The following KIRREL3 variants were observed in gnomAD, a reference collection of about 807,000 sequenced individuals.
KIRREL3 encodes kin of IRRE-like protein 3.
In KIRREL3, 36 loss-of-function variants were observed where a neutral mutation model predicts 89.7. That is an observed-to-expected ratio of 0.40 (90% confidence interval 0.31 to 0.53). The LOEUF (loss-of-function observed/expected upper bound fraction) is 0.53, where lower values mean the gene tolerates loss of function less well. KIRREL3 is among the 20% of genes least tolerant of loss of function. The pLI is 0.49. For synonymous variants in KIRREL3, 445 were observed against 441.4 expected (o/e 1.01, Z -0.10); for missense variants, 864 against 1,056.6 (o/e 0.82, Z 2.53).
rs781201564 is a variant in KIRREL3, at chr11:126,605,645, G to A, written c.56-42733C>T. Among the ~76,000 whole-genome samples the A allele has an allele frequency of 3.2e-4, 49 of 152,188 alleles. No individual in the cohort carries two copies. Among genetic ancestry groups the A allele is most frequent in the Non-Finnish European group, 5.9e-4 (40 of 68,040 alleles). On this transcript the variant is annotated intron_variant, in intron 1 of 16. Transcript: ENST00000525144. This position sits in a 1 kb window ranked among gnomAD's most constrained non-coding sequence, Gnocchi z 5.7. ...TCTACTTGGGTTAATGAAAGTTGTC[G>A]GTTTCACTTAATAAATACATTGCCA... is the stretch of plus-strand genomic sequence containing the variant.
intron 1 of KIRREL3, among the ~76,000 whole-genome samples, chr11:126,757,756 C>T (rs1949550432): frequency 6.6e-6 from 1 of 151,964 alleles, no homozygotes; most frequent in African/African-American, 2.4e-5. Flanking sequence ...AAAGAGTCTA[C>T]TGTTCTTTTA....
In KIRREL3 at chr11:126,814,753, C is replaced by T. The variant is rs1951502097; in HGVS notation, c.55+185702G>A. 6.6e-6 allele frequency among the ~76,000 whole-genome samples: 1 copy of T among 152,254 alleles called. No homozygotes were observed. The highest frequency in any genetic ancestry group is 1.5e-5 in the Non-Finnish European group (1 of 68,006). On this transcript the variant is annotated intron_variant, in intron 1 of 16. Coordinates refer to ENST00000525144, the MANE Select transcript of KIRREL3 (RefSeq NM_032531.4). The surrounding 1 kb of genome is among the most constrained non-coding windows in gnomAD (Gnocchi z 4.4). Reference sequence around the variant, plus strand: ...TGGACACAGGGAGGGGAACAACACACACTGGGACCTGATGGGGGTGTGGGT... The same window carrying T: ...TGGACACAGGGAGGGGAACAACACATACTGGGACCTGATGGGGGTGTGGGT...
Position 126,649,847 on chromosome 11 carries a change from T to C in KIRREL3, c.56-86935A>G, listed in dbSNP as rs148318542. 2.3e-3 allele frequency among the ~76,000 whole-genome samples: 355 copies of C among 152,360 alleles called. 2 individuals carry two copies. The highest frequency in any genetic ancestry group is 8.2e-3 in the African/African-American group (339 of 41,594). ...TAGTAGGGACTCTGTATGAGGGCTCTGACCCCACATTTCCCTTCTGCACTG... is the reference window on the plus strand; with the variant it reads ...TAGTAGGGACTCTGTATGAGGGCTCCGACCCCACATTTCCCTTCTGCACTG... On this transcript the variant is annotated intron_variant, in intron 1 of 16. Coordinates refer to ENST00000525144, the MANE Select transcript of KIRREL3 (RefSeq NM_032531.4).
intron 2 of KIRREL3, among the ~76,000 whole-genome samples, chr11:126,548,723 C>G (rs1330374034): frequency 2.0e-5 from 3 of 152,224 alleles, no homozygotes; most frequent in Non-Finnish European, 4.4e-5. Flanking sequence ...CTCCAGGTGT[C>G]ATTCATCTCT....
chr11:126,932,314 C>T (rs1339525571), intron 1 of KIRREL3, among the ~76,000 whole-genome samples: 2 of 152,174 alleles, frequency 1.3e-5, no homozygotes, highest in Non-Finnish European at 2.9e-5. Flanking sequence ...TAGCCTCACA[C>T]ACATATGAGC....
intron 1 of KIRREL3, among the ~76,000 whole-genome samples, chr11:126,595,529 C>G (rs1034179823): frequency 1.3e-5 from 2 of 152,216 alleles, no homozygotes; most frequent in Admixed American, 6.5e-5. Flanking sequence ...AAGTGTTTAC[C>G]TGAATTATCT....
intron 1 of KIRREL3, among the ~76,000 whole-genome samples, chr11:126,673,666 T>A (rs1946058408): frequency 6.6e-6 from 1 of 152,184 alleles, no homozygotes. Flanking sequence ...ACGTGTGCCT[T>A]CCATGGGATG....
In KIRREL3 at chr11:126,900,851, C is replaced by T. The variant is rs1236494396; in HGVS notation, c.55+99604G>A. Among the ~76,000 whole-genome samples, 2 of 152,092 alleles carry T rather than the reference C, an allele frequency of 1.3e-5. No individual in the cohort carries two copies. Among genetic ancestry groups the T allele is most frequent in the Non-Finnish European group, 2.9e-5 (2 of 68,014 alleles). The stretch of plus-strand genomic sequence containing the variant: ...TACTTATTTAAAGACATTTTCAAAA[C>T]AGTTGCAAGTTAACTCAAGTAACTG... On this transcript the variant is annotated intron_variant, in intron 1 of 16. Coordinates refer to ENST00000525144, the MANE Select transcript of KIRREL3 (RefSeq NM_032531.4). The surrounding 1 kb of genome is among the most constrained non-coding windows in gnomAD (Gnocchi z 4.4).
At chr11:126,857,230 G>A (rs1484119335) in intron 1 of KIRREL3, among the ~76,000 whole-genome samples, 1 of 152,184 alleles carries the variant, frequency 6.6e-6, no homozygotes, top group Non-Finnish European at 1.5e-5. Context: ...AGTCCTGGGT[G>A]CCCAGCCCAC....
rs915644298 is a variant in KIRREL3 at position 126,515,361 on chromosome 11, G to A, written c.433+5954C>T. On this transcript the variant is annotated intron_variant, in intron 4 of 16. Coordinates refer to ENST00000525144, the MANE Select transcript of KIRREL3 (RefSeq NM_032531.4). The surrounding 1 kb of genome is among the most constrained non-coding windows in gnomAD (Gnocchi z 4.2). Reference sequence around the variant, plus strand: ...GCTACTCGGGAGGCTGAGGTGGGAGGATCGCTTGAGCCAGGGAGGTCGAGG... The same window carrying A: ...GCTACTCGGGAGGCTGAGGTGGGAGAATCGCTTGAGCCAGGGAGGTCGAGG... 1.3e-5 allele frequency among the ~76,000 whole-genome samples: 2 copies of A among 152,162 alleles called. No homozygotes were observed. The highest frequency in any genetic ancestry group is 4.8e-5 in the African/African-American group (2 of 41,426).
chr11:126,583,686 A>G (rs375218752), intron 1 of KIRREL3, among the ~76,000 whole-genome samples: 14 of 152,282 alleles, frequency 9.2e-5, no homozygotes, highest in African/African-American at 3.1e-4. Context: ...GAATGATCCC[A>G]TCTACCTCGA....
chr11:126,593,884 A>C (rs1477051560), intron 1 of KIRREL3, among the ~76,000 whole-genome samples: 3 of 152,140 alleles, frequency 2.0e-5, no homozygotes, highest in African/African-American at 7.2e-5. Context: ...CATCACTGCG[A>C]GACTCAGGGG....
intron 1 of KIRREL3, among the ~76,000 whole-genome samples, chr11:126,626,684 G>A (rs1451486024): frequency 6.6e-6 from 1 of 152,212 alleles, no homozygotes; most frequent in African/African-American, 2.4e-5. Context: ...CCGTTGATAA[G>A]TCTTGTTAAA....
At chr11:126,461,304 C>A (rs142323208) in intron 6 of KIRREL3, among the ~76,000 whole-genome samples, 155 of 152,362 alleles carry the variant, frequency 1.0e-3, no homozygotes, top group African/African-American at 3.4e-3. Flanking sequence ...GACCCAGGAC[C>A]CAGGCCAGGG....
rs566429241 is a variant in KIRREL3, at chr11:126,870,977, G to A, written c.55+129478C>T. Among the ~76,000 whole-genome samples, 40 of 152,312 alleles carry A rather than the reference G, an allele frequency of 2.6e-4. No individual in the cohort carries two copies. The highest frequency in any genetic ancestry group is 2.2e-3 in the Admixed American group (33 of 15,302). On this transcript the variant is annotated intron_variant, in intron 1 of 16. Coordinates refer to ENST00000525144, the MANE Select transcript of KIRREL3 (RefSeq NM_032531.4). This position sits in a 1 kb window ranked among gnomAD's most constrained non-coding sequence, Gnocchi z 4.4. ...GCTTGGATCTCATTGCTCCAGAGAA[G>A]CAGGTCTGCCCATGCCCTGGAAGCT... is the stretch of plus-strand genomic sequence containing the variant.
chr11:126,498,936 G>A lies in KIRREL3; in HGVS notation c.433+22379C>T, dbSNP rs544438150. On this transcript the variant is annotated intron_variant, in intron 4 of 16. Transcript: ENST00000525144. The surrounding 1 kb of genome is among the most constrained non-coding windows in gnomAD (Gnocchi z 4.3). ...TCCCAGCACTTTGGGAGGTGGAGGC[G>A]GGTGGATCACCTGAGGTCATGAGTT... Among the ~76,000 whole-genome samples the A allele has an allele frequency of 2.7e-4, 41 of 152,290 alleles. No homozygotes were observed. The highest frequency in any genetic ancestry group is 1.0e-3 in the South Asian group (5 of 4,824).
At chr11:126,932,133 A>G (rs1388222423) in intron 1 of KIRREL3, among the ~76,000 whole-genome samples, 1 of 152,068 alleles carries the variant, frequency 6.6e-6, no homozygotes, top group African/African-American at 2.4e-5. Context: ...TTCATCAAGA[A>G]TCCCCTCTGC....
intron 1 of KIRREL3, among the ~76,000 whole-genome samples, chr11:126,732,538 G>T (rs1948661577): frequency 6.6e-6 from 1 of 152,226 alleles, no homozygotes; most frequent in Non-Finnish European, 1.5e-5. Flanking sequence ...CATAACAACA[G>T]CCAATCCAAT....
intron 1 of KIRREL3, among the ~76,000 whole-genome samples, chr11:126,828,244 C>A (rs1454519315): frequency 6.6e-6 from 1 of 152,138 alleles, no homozygotes; most frequent in Non-Finnish European, 1.5e-5. Flanking sequence ...CAACGCCCAC[C>A]CCCTAGAGGG....
Sources: gnomAD v4.1 joint callset for allele counts (sites outside exome capture counted in the v4.1 genomes callset) on GRCh38, gnomAD v4.1.1 for gene constraint, Gnocchi (gnomAD v3.1) non-coding constraint, MANE v1.5 for transcripts, NCBI Gene and HGNC (gene_info 2026-07-23, HGNC 2026-07-21) for gene names.